Variants in MSL1 observed in about 807,000 individuals in gnomAD.
MSL1 encodes the protein MSL complex subunit 1, also known as male-specific lethal 1 homolog.
A neutral mutation model predicts 64.6 loss-of-function variants in MSL1; 21 were observed. That is an observed-to-expected ratio of 0.33 (90% CI 0.23 to 0.47). The LOEUF (loss-of-function observed/expected upper bound fraction) is 0.47, where lower values mean the gene tolerates loss of function less well. Ranked by LOEUF, MSL1 falls within the 20% of genes least tolerant of loss-of-function variation. The pLI is 1.00. For missense variants in MSL1, 664 were observed against 793.2 expected, an observed-to-expected ratio of 0.84 and a Z score of 1.96; for synonymous variants, 339 against 329.6, an observed-to-expected ratio of 1.03 and a Z score of -0.31.
Position 40,122,347 on chromosome 17 carries a change from G to GAGGCGA in MSL1, c.-260_-255dup, listed in dbSNP as rs1409043466. 3.7e-5 allele frequency: 8 copies of GAGGCGA among 214,370 alleles called. No individual in the cohort carries two copies. Among genetic ancestry groups the GAGGCGA allele is most frequent in the African/African-American group, 1.6e-4 (7 of 42,590 alleles). The allele number at this position is 214,370 out of a possible 1,614,324, so 13.3% of individuals were successfully genotyped here. On this transcript the variant is annotated 5_prime_UTR_variant, in exon 1 of 9. Transcript: ENST00000398532. This position sits in a 1 kb window ranked among gnomAD's most constrained non-coding sequence, Gnocchi z 4.2. ...CGGCTGGGTGCGAGCTCCTGCCTCT[G>GAGGCGA]AGGCGAAGGCGGCGGCGGCGGCAGC...
At chr17:40,124,398 C>A (rs1988267143) in intron 1 of MSL1, among the ~76,000 whole-genome samples, 1 of 151,898 alleles carries the variant, frequency 6.6e-6, no homozygotes, top group South Asian at 2.1e-4. Flanking sequence ...TCCCTCCCCG[C>A]CGTCCTCATC....
At chr17:40,125,106 CACA>C (rs1988283982) in intron 1 of MSL1, among the ~76,000 whole-genome samples, 1 of 152,210 alleles carries the variant, frequency 6.6e-6, no homozygotes, top group African/African-American at 2.4e-5. Flanking sequence ...GTATAAGTAG[CACA>C]ACACCTTTTC....
rs1034419055 is a variant in MSL1 at position 40,123,508 on chromosome 17, T to A, written c.768+128T>A. The A allele has an allele frequency of 9.7e-6, 8 of 823,040 alleles. No individual in the cohort carries two copies. The African/African-American group carries it at 1.1e-4, about 11-fold the overall frequency. 51.0% of individuals were successfully genotyped at this position (823,040 alleles called of 1,614,324 possible). ...AGGAGGTTGGCCACCGGCAAAGGAG[T>A]ATCTTAGGCGCTGGGTCTCTGGGAG... On this transcript the variant is annotated intron_variant, in intron 1 of 8. Coordinates refer to ENST00000398532, the MANE Select transcript of MSL1 (RefSeq NM_001365919.1).
At position 40,131,587 on chromosome 17, in the gene MSL1, G is replaced by A. The variant is rs1174551986; in HGVS notation, c.1423+3G>A. 1 of 1,613,658 alleles carries A rather than the reference G, an allele frequency of 6.2e-7. No homozygotes were observed. ...AGGAGAAACTTCAGTCTTGGCTGGT[G>A]AGTAGAATAGGAATTGTGCTGGCTG... On this transcript the variant is annotated splice_donor_region_variant and intron_variant, in intron 4 of 8. Coordinates refer to ENST00000398532, the MANE Select transcript of MSL1 (RefSeq NM_001365919.1). The surrounding 1 kb of genome is among the most constrained non-coding windows in gnomAD (Gnocchi z 4.5).
At position 40,129,423 on chromosome 17, in the gene MSL1, C is replaced by A; in HGVS notation, c.1171C>A (p.Arg391=). ...LRSQETPEKP[R]SSVDTPPRLS... is the part of the protein sequence containing the mutation. Reference sequence around the variant, plus strand: ...GAGCCAAGAAACCCCAGAAAAGCCCCGGTCTTCAGTGGACACCCCACCAAG... The same window carrying A: ...GAGCCAAGAAACCCCAGAAAAGCCCAGGTCTTCAGTGGACACCCCACCAAG... Residue 391 remains arginine, a synonymous_variant, in exon 3 of 9, where the codon CGG becomes AGG. Transcript: ENST00000398532. 2.5e-6 allele frequency: 4 copies of A among 1,613,242 alleles called. No homozygotes were observed. The highest frequency in any genetic ancestry group is 2.7e-5 in the African/African-American group (2 of 74,884).
At position 40,123,104 on chromosome 17, in the gene MSL1, C is replaced by T; in HGVS notation, c.492C>T (p.Ala164=). 7.2e-6 allele frequency: 11 copies of T among 1,529,576 alleles called. No homozygotes were observed. Among genetic ancestry groups the T allele is most frequent in the Non-Finnish European group, 9.6e-6 (11 of 1,144,382 alleles). The allele number at this position is 1,529,576 out of a possible 1,614,324, so 94.8% of individuals were successfully genotyped here. ...GDKGGAASPA[A]TASDPAGPPP... ...AGGGTGGGGCGGCCTCCCCCGCTGC[C>T]ACCGCCTCGGACCCGGCGGGACCCC... The change falls in exon 1 of 9, where the codon GCC becomes GCT. Residue 164 remains alanine, a synonymous_variant. Transcript: ENST00000398532.
Position 40,122,749 on chromosome 17 carries a change from T to C in MSL1, c.137T>C (p.Leu46Pro). Residue 46 changes from leucine (L) to proline (P), a missense_variant, in exon 1 of 9, where the codon CTC (leucine) becomes CCC (proline). Physicochemically the swap from Leu to Pro is moderately conservative, Grantham distance 98. Transcript: ENST00000398532. This position sits in a 1 kb window ranked among gnomAD's most constrained non-coding sequence, Gnocchi z 4.2. ...DEPGAAEAHF[L>P]PRHRKLKEPG... is the part of the protein sequence containing the mutation. ...CCTGGGGCGGCCGAAGCCCACTTCCTCCCCCGGCACCGTAAGCTCAAGGAG... is the reference window on the plus strand; with the variant it reads ...CCTGGGGCGGCCGAAGCCCACTTCCCCCCCCGGCACCGTAAGCTCAAGGAG... 1.4e-6 allele frequency: 2 copies of C among 1,438,592 alleles called. No homozygotes were observed. Among genetic ancestry groups the C allele is most frequent in the Admixed American group, 2.8e-5 (1 of 35,474 alleles). 89.1% of individuals were successfully genotyped at this position (1,438,592 alleles called of 1,614,324 possible). A position where few individuals can be genotyped will look rare whatever the true frequency, so the allele number is the denominator to read the frequency against.
intron 5 of MSL1, among the ~76,000 whole-genome samples, chr17:40,132,344 TAGAAAAG>T (rs1443961103): frequency 1.1e-4 from 17 of 152,304 alleles, no homozygotes; most frequent in African/African-American, 4.1e-4. Flanking sequence ...TTATGCTAAG[TAGAAAAG>T]TTAGGGCTGG....
rs934680775 is a variant in MSL1, at chr17:40,131,690, T to C, written c.1423+106T>C. Reference sequence around the variant, plus strand: ...ATCCACTGGATGTGGGAGACTGAGATTTCTTGGTGTATGATTGATTACACT... The same window carrying C: ...ATCCACTGGATGTGGGAGACTGAGACTTCTTGGTGTATGATTGATTACACT... On this transcript the variant is annotated intron_variant, in intron 4 of 8. Coordinates refer to ENST00000398532, the MANE Select transcript of MSL1 (RefSeq NM_001365919.1). The surrounding 1 kb of genome is among the most constrained non-coding windows in gnomAD (Gnocchi z 4.5). The C allele has an allele frequency of 1.3e-4, 135 of 1,034,200 alleles. 1 individual carries two copies. The highest frequency in any genetic ancestry group is 1.9e-4 in the Non-Finnish European group (127 of 654,426). 64.1% of individuals were successfully genotyped at this position (1,034,200 alleles called of 1,614,324 possible). A position where few individuals can be genotyped will look rare whatever the true frequency, so the allele number is the denominator to read the frequency against.
chr17:40,134,337 A>C lies in MSL1; in HGVS notation c.1813A>C (p.Lys605Gln), dbSNP rs954559462. The change falls in exon 9 of 9, where the codon AAG (lysine) becomes CAG (glutamine). Residue 605 changes from lysine to glutamine, a missense_variant. Around this residue, in one of 4 missense-constraint regions of MSL1, gnomAD observed 76 missense variants for 98.5 expected, o/e 0.77. Transcript: ENST00000398532. Reference protein sequence around the residue: ...RSRCRLEIQKKQTPHRTCRK With the variant: ...RSRCRLEIQKQQTPHRTCRK The stretch of plus-strand genomic sequence containing the variant: ...CCGATGCAGATTGGAGATCCAGAAG[A>C]AGCAAACACCTCACCGGACGTGTAG... 14 of 1,557,166 alleles carry C rather than the reference A, an allele frequency of 9.0e-6. No homozygotes were observed. The Admixed American group carries it at 9.7e-5, about 11-fold the overall frequency.
chr17:40,123,585 C>T (rs1224240949), intron 1 of MSL1, among the ~76,000 whole-genome samples: 1 of 151,256 alleles, frequency 6.6e-6, no homozygotes, highest in Non-Finnish European at 1.5e-5. Context: ...GGCAACCTCT[C>T]AGGGGGAGGG....
intron 2 of MSL1, among the ~76,000 whole-genome samples, chr17:40,127,779 TAA>T (rs1988354348): frequency 6.6e-6 from 1 of 152,220 alleles, no homozygotes; most frequent in Non-Finnish European, 1.5e-5. Flanking sequence ...TCAGGGATAT[TAA>T]AAGTTATTCT....
In MSL1 at chr17:40,123,204, A is replaced by G. The variant is rs745999721; in HGVS notation, c.592A>G (p.Arg198Gly). The change falls in exon 1 of 9, where the codon AGA becomes GGA. Residue 198 changes from arginine (R) to glycine (G), a missense_variant. This residue lies in a region of MSL1 where 466 missense variants were observed against 499.0 expected (regional missense o/e 0.93). Transcript: ENST00000398532. ...CGGGACCCTGGCGGCCAGCGAGGGC[A>G]GATGGAAGAGTATGAGGAAGAGCCC... Reference protein sequence around the residue: ...TAGTLAASEGRWKSMRKSPLG... With the variant: ...TAGTLAASEGGWKSMRKSPLG... 5 of 1,535,368 alleles carry G rather than the reference A, an allele frequency of 3.3e-6. No individual in the cohort carries two copies.
At position 40,122,951 on chromosome 17, in the gene MSL1, C is replaced by G; in HGVS notation, c.339C>G (p.Gly113=). ...PCPPPATKQA[G]IGGEPAAAGA... ...CGCCCCCGGCCACCAAGCAAGCCGGCATTGGGGGGGAGCCTGCCGCAGCCG... is the reference window on the plus strand; with the variant it reads ...CGCCCCCGGCCACCAAGCAAGCCGGGATTGGGGGGGAGCCTGCCGCAGCCG... Residue 113 remains glycine (G), a synonymous_variant, in exon 1 of 9, where the codon GGC becomes GGG. Transcript: ENST00000398532. The surrounding 1 kb of genome is among the most constrained non-coding windows in gnomAD (Gnocchi z 4.2). 1 of 1,524,946 alleles carries G rather than the reference C, an allele frequency of 6.6e-7. No homozygotes were observed. The allele number at this position is 1,524,946 out of a possible 1,614,324, so 94.5% of individuals were successfully genotyped here. A position where few individuals can be genotyped will look rare whatever the true frequency, so the allele number is the denominator to read the frequency against.
In MSL1 at chr17:40,123,146, C is replaced by T. The variant is rs1988229573; in HGVS notation, c.534C>T (p.Pro178=). The change falls in exon 1 of 9, where the codon CCC becomes CCT. Residue 178 remains proline, a synonymous_variant. Coordinates refer to ENST00000398532, the MANE Select transcript of MSL1 (RefSeq NM_001365919.1). ...DPAGPPPLPL[P]GPPPLAPTAT... ...CGGGACCCCCACCACTACCTCTGCC[C>T]GGGCCGCCACCCCTCGCGCCCACCG... The T allele has an allele frequency of 7.8e-6, 12 of 1,533,698 alleles. No individual in the cohort carries two copies. The highest frequency in any genetic ancestry group is 1.0e-5 in the Non-Finnish European group (12 of 1,145,926).
chr17:40,132,670 A>G (rs114954457), intron 5 of MSL1, among the ~76,000 whole-genome samples: 2 of 152,186 alleles, frequency 1.3e-5, no homozygotes, highest in African/African-American at 4.8e-5. Flanking sequence ...CCCCTCAACC[A>G]TAAAATTACA....
chr17:40,122,927 G>A lies in MSL1; in HGVS notation c.315G>A (p.Pro105=). 2 of 1,516,934 alleles carry A rather than the reference G, an allele frequency of 1.3e-6. No homozygotes were observed. Among genetic ancestry groups the A allele is most frequent in the South Asian group, 1.2e-5 (1 of 82,534 alleles). 94.0% of individuals were successfully genotyped at this position (1,516,934 alleles called of 1,614,324 possible). The change falls in exon 1 of 9, where the codon CCG becomes CCA. Residue 105 remains proline, a synonymous_variant. Transcript: ENST00000398532. The surrounding 1 kb of genome is among the most constrained non-coding windows in gnomAD (Gnocchi z 4.2). ...GCGGTTCGGTGCCCTTGCCCTGTCC[G>A]CCCCCGGCCACCAAGCAAGCCGGCA... The part of the protein sequence containing the change: ...SWGGSVPLPC[P]PPATKQAGIG...
chr17:40,128,793 C>T (rs1988379024), intron 2 of MSL1, among the ~76,000 whole-genome samples: 1 of 151,876 alleles, frequency 6.6e-6, no homozygotes, highest in Admixed American at 6.6e-5. Flanking sequence ...GGTGGATCAC[C>T]TGAGGTCAGG....
chr17:40,132,238 G>A, intron 5 of MSL1, 140 bp downstream of exon 5: 1 of 603,890 alleles, frequency 1.7e-6, no homozygotes, highest in Admixed American at 2.9e-5. Context: ...ATCTAGTCCA[G>A]CTCCTTCATT....
Sources: allele counts gnomAD v4.1 joint callset (sites outside exome capture counted in the v4.1 genomes callset), GRCh38; gene constraint gnomAD v4.1.1; regional missense constraint gnomAD v4.1.1; non-coding constraint Gnocchi (gnomAD v3.1); transcripts MANE v1.5; gene names NCBI Gene and HGNC (gene_info 2026-07-23, HGNC 2026-07-21).